Variants in ZNF610 observed in about 807,000 individuals in gnomAD.
ZNF610 encodes the protein zink finger protein.
ZNF610 carries 14 observed loss-of-function variants against 14.1 expected under a neutral mutation model. That is an observed-to-expected ratio of 0.99 (90% CI 0.65 to 1.55). The LOEUF is 1.55. ZNF610 is among the 40% of genes most tolerant of loss of function. The pLI is 0.00. For synonymous variants in ZNF610, 185 were observed against 187.6 expected, an observed-to-expected ratio of 0.99 and a Z score of 0.11; for missense variants, 530 against 558.0, an observed-to-expected ratio of 0.95 and a Z score of 0.51.
chr19:52,364,555 A>T (rs981354809), intron 5 of ZNF610, among the ~76,000 whole-genome samples: 5 of 152,072 alleles, frequency 3.3e-5, no homozygotes, highest in Non-Finnish European at 7.4e-5. Context: ...TGAATATAGT[A>T]TTCTTGGTTT....
At chr19:52,333,092 T>C (rs1168205900), upstream of ZNF610, among the ~76,000 whole-genome samples, 1 of 152,164 alleles carries the variant, frequency 6.6e-6, no homozygotes, top group Non-Finnish European at 1.5e-5. Flanking sequence ...CTAAGCCTCC[T>C]CTTCCAATAG....
chr19:52,340,670 A>AATTATTATTATT (rs34182877), intron 1 of ZNF610, among the ~76,000 whole-genome samples: 3 of 146,104 alleles, frequency 2.1e-5, no homozygotes, highest in African/African-American at 7.6e-5. Context: ...TTGTCTAGGA[A>AATTATTATTATT]ATTATTATTA....
intron 3 of ZNF610, among the ~76,000 whole-genome samples, chr19:52,350,693 CA>C (rs906932491): frequency 1.3e-5 from 2 of 150,690 alleles, no homozygotes; most frequent in Non-Finnish European, 3.0e-5. Flanking sequence ...CAAAACAAAA[CA>C]AAAAAAACCT....
chr19:52,367,740 C>G lies in ZNF610; in HGVS notation c.*973C>G, dbSNP rs1986181869. On this transcript the variant is annotated 3_prime_UTR_variant, in exon 6 of 6. Coordinates refer to ENST00000403906, the MANE Select transcript of ZNF610 (RefSeq NM_001161425.2). ...AATAGTACAATTTCAGCCTTGTACA[C>G]CCTCAAATGTGTGTGAGTGTTAAAG... 6.6e-6 allele frequency: 1 copy of G among 152,024 alleles called. No individual in the cohort carries two copies. The highest frequency in any genetic ancestry group is 1.5e-5 in the Non-Finnish European group (1 of 68,016). 9.4% of individuals were successfully genotyped at this position (152,024 alleles called of 1,614,324 possible).
chr19:52,353,430 G>A (rs1985355403), intron 3 of ZNF610, among the ~76,000 whole-genome samples: 1 of 152,094 alleles, frequency 6.6e-6, no homozygotes, highest in Non-Finnish European at 1.5e-5. Flanking sequence ...GGGAGGCTGG[G>A]GCAGGATTAA....
chr19:52,340,375 C>T (rs934422252), intron 1 of ZNF610, among the ~76,000 whole-genome samples: 2 of 152,106 alleles, frequency 1.3e-5, no homozygotes, highest in Non-Finnish European at 1.5e-5. Flanking sequence ...AGTGAAACTC[C>T]GTCTCAAACA....
At chr19:52,352,752 T>G (rs1207151863) in intron 3 of ZNF610, among the ~76,000 whole-genome samples, 1 of 152,154 alleles carries the variant, frequency 6.6e-6, no homozygotes, top group African/African-American at 2.4e-5. Context: ...AGTGCCCTGT[T>G]TCTGGCCTTA....
intron 3 of ZNF610, among the ~76,000 whole-genome samples, chr19:52,352,786 T>C (rs1600235271): frequency 6.6e-6 from 1 of 152,056 alleles, no homozygotes; most frequent in African/African-American, 2.4e-5. Context: ...GCATCCCACG[T>C]TTACTGTTGA....
chr19:52,337,595 G>A (rs1011982586), intron 1 of ZNF610, among the ~76,000 whole-genome samples: 1 of 151,916 alleles, frequency 6.6e-6, no homozygotes, highest in African/African-American at 2.4e-5. Context: ...AAAAAAGCAG[G>A]AGAAAGAAGG....
chr19:52,366,890 T>G lies in ZNF610; in HGVS notation c.*123T>G. 1.4e-6 allele frequency: 1 copy of G among 698,438 alleles called. No individual in the cohort carries two copies. The highest frequency in any genetic ancestry group is 2.4e-6 in the Non-Finnish European group (1 of 423,332). 43.3% of individuals were successfully genotyped at this position (698,438 alleles called of 1,614,324 possible). ...GTTTGCATTGAAGCCTCATCACTCA[T>G]CTCTTGATCCACACTGAAAGGAAAC... On this transcript the variant is annotated 3_prime_UTR_variant, in exon 6 of 6. Coordinates refer to ENST00000403906, the MANE Select transcript of ZNF610 (RefSeq NM_001161425.2).
At chr19:52,352,979 C>T (rs1985330657) in intron 3 of ZNF610, among the ~76,000 whole-genome samples, 1 of 152,096 alleles carries the variant, frequency 6.6e-6, no homozygotes, top group Non-Finnish European at 1.5e-5. Flanking sequence ...GCTCTTGTCG[C>T]CCAGGCTGGA....
intron 1 of ZNF610, among the ~76,000 whole-genome samples, chr19:52,337,889 G>GC (rs1419334351): frequency 6.6e-6 from 1 of 152,190 alleles, no homozygotes; most frequent in Non-Finnish European, 1.5e-5. Context: ...GCAGTGACTT[G>GC]CCTCATTCGG....
chr19:52,349,417 C>T (rs1325160837), intron 3 of ZNF610, among the ~76,000 whole-genome samples, 182 bp downstream of exon 3: 1 of 151,956 alleles, frequency 6.6e-6, no homozygotes, highest in Non-Finnish European at 1.5e-5. Context: ...GGGCGTGGTC[C>T]TGGGAAGGGC....
intron 5 of ZNF610, among the ~76,000 whole-genome samples, chr19:52,362,858 G>A (rs895569866): frequency 3.3e-5 from 5 of 152,154 alleles, no homozygotes; most frequent in African/African-American, 1.2e-4. Context: ...GGGCACTTCC[G>A]AAAAATTTGT....
chr19:52,342,493 T>G (rs1984731842), intron 1 of ZNF610, among the ~76,000 whole-genome samples: 1 of 151,940 alleles, frequency 6.6e-6, no homozygotes, highest in Non-Finnish European at 1.5e-5. Flanking sequence ...TTGAAGAGAT[T>G]CTTCATAATT....
rs772492155 is a variant in ZNF610, at chr19:52,349,177, T to C, written c.5T>C (p.Leu2Pro). Residue 2 changes from leucine (L) to proline (P), a missense_variant, in exon 3 of 6, where the codon CTA becomes CCA. Coordinates refer to ENST00000403906, the MANE Select transcript of ZNF610 (RefSeq NM_001161425.2). ...AGGATTGACTTATAAACAGTCATGC[T>C]ATGTGATGAAGAAGCCCAGAAGAGG... MLCDEEAQKRKA... is the reference protein window; with the variant it reads MPCDEEAQKRKA... The C allele has an allele frequency of 1.8e-5, 29 of 1,613,566 alleles. No homozygotes were observed. The highest frequency in any genetic ancestry group is 2.4e-5 in the Non-Finnish European group (28 of 1,179,856).
chr19:52,334,148 C>T (rs1984266644), upstream of ZNF610, among the ~76,000 whole-genome samples: 1 of 152,194 alleles, frequency 6.6e-6, no homozygotes, highest in Admixed American at 6.5e-5. Flanking sequence ...GTATATGGAA[C>T]TTGTCTACCT....
intron 4 of ZNF610, 88 bp downstream of exon 4, chr19:52,353,896 G>C: frequency 1.3e-6 from 2 of 1,487,792 alleles, no homozygotes; most frequent in South Asian, 2.7e-5. Flanking sequence ...CCCCTAAATT[G>C]CTTAACTGAG....
Position 52,363,112 on chromosome 19 carries a change from C to G in ZNF610, c.320-2586C>G, listed in dbSNP as rs76313140. Among the ~76,000 whole-genome samples, 39 of 149,868 alleles carry G rather than the reference C, an allele frequency of 2.6e-4. No homozygotes were observed. In the East Asian group the frequency reaches 7.6e-3, roughly 29 times the overall value. On this transcript the variant is annotated intron_variant, in intron 5 of 5. Coordinates refer to ENST00000403906, the MANE Select transcript of ZNF610 (RefSeq NM_001161425.2). ...AAGCCGAGAGACAGAACCCCCTTCT[C>G]TTTGGTTCTATCCCCTTTTTTTTTT... is the stretch of plus-strand genomic sequence containing the variant.
Sources: gnomAD v4.1 joint callset for allele counts (sites outside exome capture counted in the v4.1 genomes callset) on GRCh38, gnomAD v4.1.1 for gene constraint, MANE v1.5 for transcripts, NCBI Gene and HGNC (gene_info 2026-07-23, HGNC 2026-07-21) for gene names.